DNAH9: variants seen among roughly 807,000 people sequenced by gnomAD.
The protein encoded by DNAH9 is DNAH9 variant protein.
Under a neutral mutation model 471.6 loss-of-function variants are expected in DNAH9, and 345 were observed. The observed-to-expected ratio is 0.73, with a 90% CI of 0.67 to 0.80. DNAH9 has a LOEUF of 0.80. Ranked by LOEUF, DNAH9 falls within the 30% of genes least tolerant of loss-of-function variation. The pLI, the probability that DNAH9 is intolerant of heterozygous loss-of-function variation, is 0.00. For synonymous variants in DNAH9, 2,093 were observed against 2,123.6 expected (o/e 0.99, Z 0.40); for missense variants, 5,407 against 5,609.2 (o/e 0.96, Z 1.15).
In DNAH9 at chr17:11,689,940, T is replaced by C. The variant is rs1275247988; in HGVS notation, c.4118T>C (p.Val1373Ala). 6.2e-6 allele frequency: 10 copies of C among 1,611,920 alleles called. No individual in the cohort carries two copies. Among genetic ancestry groups the C allele is most frequent in the African/African-American group, 2.7e-5 (2 of 74,882 alleles). ...AACACGCTGAGCTCCCTGAGGGCAG[T>C]AGCTGAGCTGCAGAATCCAGCCATC... ...VWNTLSSLRAVAELQNPAIRE... is the reference protein window; with the variant it reads ...VWNTLSSLRAAAELQNPAIRE... The change falls in exon 20 of 69, where the codon GTA (valine) becomes GCA (alanine). Residue 1373 changes from valine to alanine, a missense_variant. Coordinates refer to ENST00000262442, the MANE Select transcript of DNAH9 (RefSeq NM_001372.4).
chr17:11,834,543 G>A (rs1970782003), intron 48 of DNAH9, 95 bp from the exon 49 acceptor site: 3 of 1,463,774 alleles, frequency 2.0e-6, no homozygotes, highest in African/African-American at 1.4e-5. Context: ...ACAGAGTTGG[G>A]TCCTCAGGTC....
chr17:11,830,674 G>T (rs564065879), intron 48 of DNAH9, among the ~76,000 whole-genome samples: 4 of 152,324 alleles, frequency 2.6e-5, no homozygotes, highest in African/African-American at 9.6e-5. Context: ...AGACGTTTTT[G>T]ATGGCAACCA....
intron 26 of DNAH9, among the ~76,000 whole-genome samples, chr17:11,719,021 G>A (rs12945608): frequency 6.2e-4 from 94 of 152,246 alleles, no homozygotes; most frequent in African/African-American, 1.7e-3. Flanking sequence ...GCAGATGAAC[G>A]GAGCTCTATA....
intron 33 of DNAH9, among the ~76,000 whole-genome samples, chr17:11,754,082 G>C (rs986302909): frequency 6.6e-6 from 1 of 151,232 alleles, no homozygotes; most frequent in African/African-American, 2.4e-5. Context: ...TTGGTCTTCT[G>C]TTCCTACATT....
In DNAH9 at chr17:11,959,971, C is replaced by T. The variant is rs539663618; in HGVS notation, c.12844-1896C>T. On this transcript the variant is annotated intron_variant, in intron 67 of 68. Coordinates refer to ENST00000262442, the MANE Select transcript of DNAH9 (RefSeq NM_001372.4). ...GAGGTTTTTATGTCTTAAAATAGTC[C>T]GGCCACCAGACACTACAGTCTAGAA... 5.3e-5 allele frequency among the ~76,000 whole-genome samples: 8 copies of T among 152,184 alleles called. No homozygotes were observed. In the East Asian group the frequency reaches 1.3e-3, roughly 26 times the overall value.
intron 35 of DNAH9, among the ~76,000 whole-genome samples, chr17:11,758,856 G>T (rs1341061526): frequency 6.6e-6 from 1 of 152,090 alleles, no homozygotes; most frequent in Admixed American, 6.6e-5. Context: ...CTATTTCAGG[G>T]TCAATAATTA....
chr17:11,744,885 A>G lies in DNAH9; in HGVS notation c.6200A>G (p.Asp2067Gly). The change falls in exon 31 of 69, where the codon GAC (aspartate) becomes GGC (glycine). Residue 2067 changes from aspartate (D) to glycine (G), a missense_variant. Around this residue, in one of 3 missense-constraint regions of DNAH9, gnomAD observed 4,636 missense variants for 4,900.3 expected, o/e 0.95. Transcript: ENST00000262442. ...LKRGDPDRPE[D>G]QVLMRSLRDF... ...AGAGGAGACCCTGACCGGCCTGAGGACCAGGTCCTGATGCGCTCCTTGCGG... is the reference window on the plus strand; with the variant it reads ...AGAGGAGACCCTGACCGGCCTGAGGGCCAGGTCCTGATGCGCTCCTTGCGG... The G allele has an allele frequency of 6.2e-7, 1 of 1,614,160 alleles. No homozygotes were observed. Among genetic ancestry groups the G allele is most frequent in the Non-Finnish European group, 8.5e-7 (1 of 1,180,016 alleles).
At chr17:11,773,306 T>C (rs1357534323) in intron 38 of DNAH9, among the ~76,000 whole-genome samples, 1 of 152,164 alleles carries the variant, frequency 6.6e-6, no homozygotes, top group Non-Finnish European at 1.5e-5. Context: ...GATGTGCAAA[T>C]TTATGTTTAT....
At chr17:11,955,577 T>C (rs1268959822) in intron 67 of DNAH9, among the ~76,000 whole-genome samples, 2 of 152,220 alleles carry the variant, frequency 1.3e-5, no homozygotes, top group Non-Finnish European at 2.9e-5. Context: ...GAAGGACTCA[T>C]GAGTTTCAGC....
intron 19 of DNAH9, among the ~76,000 whole-genome samples, chr17:11,688,737 T>G (rs1016140817): frequency 2.6e-5 from 4 of 152,176 alleles, no homozygotes; most frequent in Non-Finnish European, 5.9e-5. Flanking sequence ...TGATAGCCAC[T>G]GCCCCAGAGT....
At chr17:11,812,668 C>T (rs1969968526) in intron 45 of DNAH9, among the ~76,000 whole-genome samples, 1 of 152,070 alleles carries the variant, frequency 6.6e-6, no homozygotes, top group African/African-American at 2.4e-5. Flanking sequence ...TAGCCTTGCA[C>T]TCATACCACC....
At chr17:11,805,554 TTTTTTTTTTTTG>T (rs1384481738) in intron 43 of DNAH9, among the ~76,000 whole-genome samples, 2 of 68,830 alleles carry the variant, frequency 2.9e-5, no homozygotes, top group Non-Finnish European at 6.1e-5. Context: ...TTTTTTTTTT[TTTTTTTTTTTTG>T]AGATGGAGTC....
chr17:11,758,800 T>C (rs1163524634), intron 35 of DNAH9, among the ~76,000 whole-genome samples: 1 of 152,204 alleles, frequency 6.6e-6, no homozygotes, highest in Non-Finnish European at 1.5e-5. Context: ...CATTGTGGTC[T>C]ATTTTCGTTG....
intron 57 of DNAH9, among the ~76,000 whole-genome samples, chr17:11,887,950 A>T (rs1034057365): frequency 6.6e-6 from 1 of 151,708 alleles, no homozygotes; most frequent in African/African-American, 2.4e-5. Context: ...GTCTCTGCAG[A>T]TTGGATGAAC....
At position 11,881,227 on chromosome 17, in the gene DNAH9, C is replaced by G; in HGVS notation, c.10620C>G (p.Asp3540Glu). The G allele has an allele frequency of 6.2e-7, 1 of 1,614,138 alleles. No homozygotes were observed. The highest frequency in any genetic ancestry group is 8.5e-7 in the Non-Finnish European group (1 of 1,180,014). The change falls in exon 55 of 69, where the codon GAC (aspartate) becomes GAG (glutamate). Residue 3540 changes from aspartate to glutamate, a missense_variant. Transcript: ENST00000262442. ...IKKGRFIKIGDKECEYNPKFR... is the reference protein window; with the variant it reads ...IKKGRFIKIGEKECEYNPKFR... Reference sequence around the variant, plus strand: ...GTTCCAGATTCATTAAAATTGGAGACAAAGAATGTGAATACAATCCCAAGT... The same window carrying G: ...GTTCCAGATTCATTAAAATTGGAGAGAAAGAATGTGAATACAATCCCAAGT...
intron 68 of DNAH9, among the ~76,000 whole-genome samples, chr17:11,965,942 TGAA>T (rs1357698977): frequency 1.3e-5 from 2 of 151,382 alleles, no homozygotes; most frequent in African/African-American, 4.9e-5. Flanking sequence ...AATGAGAAAA[TGAA>T]GAGTCTCAGA....
intron 9 of DNAH9, 37 bp from the exon 10 acceptor site, chr17:11,640,233 C>T: frequency 7.4e-7 from 1 of 1,343,562 alleles, no homozygotes; most frequent in Non-Finnish European, 1.1e-6. Context: ...CTGAGGTGCT[C>T]TAGACTCATT....
At chr17:11,750,402 AG>A (rs2150848802) in intron 32 of DNAH9, among the ~76,000 whole-genome samples, 1 of 152,338 alleles carries the variant, frequency 6.6e-6, no homozygotes, top group East Asian at 1.9e-4. Context: ...AAGTACATAA[AG>A]GAATTGGCAA....
chr17:11,659,950 G>A (rs901402153), intron 14 of DNAH9, among the ~76,000 whole-genome samples: 3 of 152,178 alleles, frequency 2.0e-5, no homozygotes, highest in Non-Finnish European at 4.4e-5. Context: ...CTGTAGTGCT[G>A]CATCCTTTTT....
Sources: gnomAD v4.1 joint callset for allele counts (sites outside exome capture counted in the v4.1 genomes callset) on GRCh38, gnomAD v4.1.1 for gene constraint, gnomAD v4.1.1 regional missense constraint, MANE v1.5 for transcripts, NCBI Gene and HGNC (gene_info 2026-07-23, HGNC 2026-07-21) for gene names.